Variants in PRKG2 observed in about 807,000 individuals in gnomAD.
PRKG2 encodes protein kinase cGMP-dependent 2.
In PRKG2, 33 loss-of-function variants were observed where a neutral mutation model predicts 97.2. The observed-to-expected ratio is 0.34, with a 90% CI of 0.26 to 0.45. The LOEUF (loss-of-function observed/expected upper bound fraction) is 0.45. Ranked by LOEUF, PRKG2 falls within the 20% of genes least tolerant of loss-of-function variation. The probability of loss-of-function intolerance (pLI) is 1.00; values close to 1 mark genes in which losing one functional copy is unlikely to be tolerated. For synonymous variants in PRKG2, 330 were observed against 321.8 expected (o/e 1.03, Z -0.27); for missense variants, 638 against 900.0 (o/e 0.71, Z 3.73).
In PRKG2 at chr4:81,110,595, G is replaced by A. The variant is rs766890690; in HGVS notation, c.1793C>T (p.Ala598Val). ...TTTCTGTCCAGACCCTATTTTCTTCGCAAATCCAAAGTCAACCTGGTAAAG... is the reference window on the plus strand; with the variant it reads ...TTTCTGTCCAGACCCTATTTTCTTCACAAATCCAAAGTCAACCTGGTAAAG... ...GYLKLVDFGF[A>V]KKIGSGQKTW... The change falls in exon 15 of 19, where the codon GCG becomes GTG. Residue 598 changes from alanine (A) to valine (V), a missense_variant. Physicochemically the swap from Ala to Val is moderately conservative, Grantham distance 64. This residue lies in a region of PRKG2 where 304 missense variants were observed against 460.5 expected (regional missense o/e 0.66). Transcript: ENST00000264399. The A allele has an allele frequency of 1.1e-5, 17 of 1,613,474 alleles. No homozygotes were observed. The highest frequency in any genetic ancestry group is 2.2e-5 in the East Asian group (1 of 44,790).
At chr4:81,154,569 G>A (rs1490833871) in intron 6 of PRKG2, among the ~76,000 whole-genome samples, 5 of 146,510 alleles carry the variant, frequency 3.4e-5, no homozygotes. Context: ...CTGTCTGTTA[G>A]AAGGAAAACT....
intron 2 of PRKG2, among the ~76,000 whole-genome samples, chr4:81,182,677 A>G (rs1437691798): frequency 6.6e-6 from 1 of 152,136 alleles, no homozygotes; most frequent in African/African-American, 2.4e-5. Flanking sequence ...TAAACCACCA[A>G]TATCAACAGG....
intron 1 of PRKG2, among the ~76,000 whole-genome samples, chr4:81,206,699 G>A (rs982923660): frequency 2.0e-5 from 3 of 151,994 alleles, no homozygotes; most frequent in Non-Finnish European, 2.9e-5. Flanking sequence ...TGCCCCTCTC[G>A]CCCTCCAAAC....
intron 14 of PRKG2, among the ~76,000 whole-genome samples, chr4:81,123,374 T>C (rs1745246007): frequency 6.6e-6 from 1 of 152,206 alleles, no homozygotes; most frequent in Non-Finnish European, 1.5e-5. Flanking sequence ...TAAGCATATC[T>C]CCTGTAAACA....
At chr4:81,168,749 G>A (rs1458576616) in intron 5 of PRKG2, among the ~76,000 whole-genome samples, 1 of 152,052 alleles carries the variant, frequency 6.6e-6, no homozygotes, top group African/African-American at 2.4e-5. Context: ...TAAGATTCTA[G>A]ATGAGAAATC....
intron 1 of PRKG2, among the ~76,000 whole-genome samples, chr4:81,209,807 A>T (rs1578531377): frequency 6.6e-6 from 1 of 152,276 alleles, no homozygotes; most frequent in African/African-American, 2.4e-5. Context: ...ATACTGTCCA[A>T]CTTTAAGGCT....
intron 4 of PRKG2, among the ~76,000 whole-genome samples, 193 bp from the exon 5 acceptor site, chr4:81,169,961 T>C (rs982945387): frequency 1.3e-5 from 2 of 152,054 alleles, no homozygotes; most frequent in African/African-American, 4.8e-5. Flanking sequence ...GGCTTTGAAA[T>C]ACACTATTAT....
rs1749314529 is a variant in PRKG2 at position 81,158,546 on chromosome 4, C to A, written c.913-4825G>T. Among the ~76,000 whole-genome samples, 5 of 152,170 alleles carry A rather than the reference C, an allele frequency of 3.3e-5. No individual in the cohort carries two copies. The South Asian group carries it at 1.0e-3, about 32-fold the overall frequency. On this transcript the variant is annotated intron_variant, in intron 6 of 18. Coordinates refer to ENST00000264399, the MANE Select transcript of PRKG2 (RefSeq NM_006259.3). The stretch of plus-strand genomic sequence containing the variant: ...CCCAAGGTAATTTGCAGATTCAATG[C>A]CATCCCCATCAAGCTACCAATGACT...
intron 6 of PRKG2, among the ~76,000 whole-genome samples, chr4:81,163,109 C>G (rs1051783042): frequency 2.0e-5 from 3 of 152,104 alleles, no homozygotes; most frequent in Non-Finnish European, 4.4e-5. Context: ...ACGGATGATT[C>G]TTTGTCACCC....
intron 9 of PRKG2, among the ~76,000 whole-genome samples, chr4:81,147,830 G>A (rs1363386664): frequency 2.0e-5 from 3 of 151,938 alleles, no homozygotes; most frequent in African/African-American, 7.2e-5. Context: ...GCCTTATTGT[G>A]GTCATGCATT....
At chr4:81,167,648 T>A (rs548140505) in intron 5 of PRKG2, among the ~76,000 whole-genome samples, 1 of 152,168 alleles carries the variant, frequency 6.6e-6, no homozygotes, top group East Asian at 1.9e-4. Context: ...ATCCTTATAA[T>A]TAAGTAAGGA....
chr4:81,104,254 A>G, intron 17 of PRKG2, 116 bp downstream of exon 17: 1 of 560,136 alleles, frequency 1.8e-6, no homozygotes, highest in Non-Finnish European at 2.9e-6. Context: ...AGCACTATAA[A>G]GAAAAATTTG....
intron 9 of PRKG2, among the ~76,000 whole-genome samples, chr4:81,145,120 C>G (rs1051548132): frequency 6.6e-6 from 1 of 152,036 alleles, no homozygotes; most frequent in African/African-American, 2.4e-5. Flanking sequence ...TGGGTATATA[C>G]CCAGTAATGG....
At chr4:81,111,037 A>C (rs1473802525) in intron 14 of PRKG2, among the ~76,000 whole-genome samples, 1 of 152,036 alleles carries the variant, frequency 6.6e-6, no homozygotes. Flanking sequence ...ACACCTGAGC[A>C]AGTAAAGCTC....
intron 2 of PRKG2, among the ~76,000 whole-genome samples, chr4:81,183,891 G>A (rs1441047613): frequency 6.6e-6 from 1 of 152,188 alleles, no homozygotes; most frequent in Non-Finnish European, 1.5e-5. Context: ...GTTCAAACTA[G>A]GTGGAGCCCA....
chr4:81,138,229 G>A lies in PRKG2; in HGVS notation c.1545-747C>T, dbSNP rs114807522. ...CACTCCTTGAAGCTGGGGGAATGGG[G>A]GCCTCAGTTCCGAAGCGGGACGTAG... On this transcript the variant is annotated intron_variant, in intron 12 of 18. Transcript: ENST00000264399. Among the ~76,000 whole-genome samples the A allele has an allele frequency of 1.5e-3, 225 of 152,220 alleles. 1 individual carries two copies. Among genetic ancestry groups the A allele is most frequent in the African/African-American group, 5.2e-3 (215 of 41,532 alleles).
At chr4:81,209,637 T>C (rs944447917) in intron 1 of PRKG2, among the ~76,000 whole-genome samples, 2 of 152,188 alleles carry the variant, frequency 1.3e-5, no homozygotes, top group Non-Finnish European at 2.9e-5. Flanking sequence ...GATGAAAATT[T>C]AGCACAGGTA....
intron 9 of PRKG2, among the ~76,000 whole-genome samples, chr4:81,146,198 G>A (rs997136457): frequency 1.3e-5 from 2 of 152,148 alleles, no homozygotes; most frequent in African/African-American, 4.8e-5. Context: ...ACTAACTGCA[G>A]TATTACTGTA....
chr4:81,091,873 G>A (rs555733956), intron 18 of PRKG2, among the ~76,000 whole-genome samples: 8 of 152,194 alleles, frequency 5.3e-5, no homozygotes, highest in Non-Finnish European at 8.8e-5. Context: ...TTGAAATGTC[G>A]CTCTTCTGAA....
Sources: gnomAD v4.1 joint callset for allele counts (sites outside exome capture counted in the v4.1 genomes callset) on GRCh38, gnomAD v4.1.1 for gene constraint, gnomAD v4.1.1 regional missense constraint, MANE v1.5 for transcripts, NCBI Gene and HGNC (gene_info 2026-07-23, HGNC 2026-07-21) for gene names.